The following FBXL8 variants were observed in gnomAD, a reference collection of about 807,000 sequenced individuals.
FBXL8 encodes the protein F-box and leucine rich repeat protein 8.
FBXL8 carries 13 observed loss-of-function variants against 8.2 expected under a neutral mutation model. That is an observed-to-expected ratio of 1.58 (90% CI 1.03 to 2.51). The LOEUF is 2.51. Among genes scored for constraint, FBXL8 ranks in the 30% most tolerant of loss-of-function variants. The pLI is 0.00. For synonymous variants in FBXL8, 271 were observed against 260.5 expected (o/e 1.04, Z -0.39); for missense variants, 565 against 540.4 (o/e 1.05, Z -0.45).
intron 1 of FBXL8, 167 bp from the exon 2 acceptor site, chr16:67,161,568 G>A: frequency 2.1e-6 from 1 of 478,112 alleles, no homozygotes; most frequent in Non-Finnish European, 3.6e-6. Flanking sequence ...GATTTAGTAG[G>A]TGAGGCGGTG....
rs2145913083 is a variant in FBXL8 at position 67,162,315 on chromosome 16, A to C, written c.152+378A>C. The C allele has an allele frequency of 1.3e-5, 6 of 454,036 alleles. No homozygotes were observed. In the Admixed American group the frequency reaches 1.4e-4, roughly 11 times the overall value. The allele number at this position is 454,036 out of a possible 1,614,324, so 28.1% of individuals were successfully genotyped here. On this transcript the variant is annotated intron_variant, in intron 2 of 2. Coordinates refer to ENST00000258200, the MANE Select transcript of FBXL8 (RefSeq NM_018378.3). ...CTGCACTCCAGCTTGGCGACAGAGT[A>C]ACAGTTTATCTCAAAATAATAATAA...
At position 67,161,843 on chromosome 16, in the gene FBXL8, C is replaced by G. The variant is rs150449492; in HGVS notation, c.58C>G (p.Leu20Val). ...EEVLALIFRH[L>V]SLRDRAAAAR... is the part of the protein sequence containing the mutation. Reference sequence around the variant, plus strand: ...GGTGCTGGCACTCATCTTCCGCCACCTGTCCCTGAGAGACCGTGCTGCCGC... The same window carrying G: ...GGTGCTGGCACTCATCTTCCGCCACGTGTCCCTGAGAGACCGTGCTGCCGC... The change falls in exon 2 of 3, where the codon CTG becomes GTG. Residue 20 changes from leucine (L) to valine (V), a missense_variant. Leu to Val is a conservative substitution (Grantham distance 32). Coordinates refer to ENST00000258200, the MANE Select transcript of FBXL8 (RefSeq NM_018378.3). 9.9e-6 allele frequency: 16 copies of G among 1,610,818 alleles called. No homozygotes were observed. Among genetic ancestry groups the G allele is most frequent in the Non-Finnish European group, 1.1e-5 (13 of 1,178,890 alleles).
Position 67,163,008 on chromosome 16 carries a change from G to A in FBXL8, c.313G>A (p.Gly105Ser), listed in dbSNP as rs753145061. The A allele has an allele frequency of 1.0e-4, 158 of 1,555,216 alleles. No individual in the cohort carries two copies. The highest frequency in any genetic ancestry group is 1.3e-4 in the Non-Finnish European group (149 of 1,149,582). Residue 105 changes from glycine (G) to serine (S), a missense_variant, in exon 3 of 3, where the codon GGC becomes AGC. Coordinates refer to ENST00000258200, the MANE Select transcript of FBXL8 (RefSeq NM_018378.3). ...GGCGGGCCGTGCCCCGGGGCTGCGAGGCCTGCGCCTGGAGTGCCGCGGAGA... is the reference window on the plus strand; with the variant it reads ...GGCGGGCCGTGCCCCGGGGCTGCGAAGCCTGCGCCTGGAGTGCCGCGGAGA... ...VLAGRAPGLR[G>S]LRLECRGEKP...
chr16:67,163,343 A>G lies in FBXL8; in HGVS notation c.648A>G (p.Arg216=), dbSNP rs1229520786. ...TCGAAGCACTGGCGGCGCCAGACCG[A>G]GCGCCTTTCGCGCTCTTGGCTCTGC... ...AILEALAAPD[R]APFALLALRC... Residue 216 remains arginine (R), a synonymous_variant, in exon 3 of 3, where the codon CGA becomes CGG. Transcript: ENST00000258200. The G allele has an allele frequency of 2.6e-6, 4 of 1,561,614 alleles. No homozygotes were observed. The Admixed American group carries it at 7.3e-5, about 28-fold the overall frequency.
chr16:67,162,424 GAA>G (rs2030945589), intron 2 of FBXL8: 1 of 600,758 alleles, frequency 1.7e-6, no homozygotes, highest in African/African-American at 1.9e-5. Flanking sequence ...TAATCCTTAT[GAA>G]AACCTTGTGT....
chr16:67,161,784 C>A lies in FBXL8; in HGVS notation c.-2C>A. 2 of 1,599,884 alleles carry A rather than the reference C, an allele frequency of 1.3e-6. No homozygotes were observed. Among genetic ancestry groups the A allele is most frequent in the Admixed American group, 1.7e-5 (1 of 58,958 alleles). On this transcript the variant is annotated 5_prime_UTR_variant, in exon 2 of 3. Coordinates refer to ENST00000258200, the MANE Select transcript of FBXL8 (RefSeq NM_018378.3). ...TCCTCCCACCCCAGCCGGATCTGGG[C>A]CATGGCCGAGCCTGGAGAGGGACTG...
chr16:67,163,907 T>C lies in FBXL8; in HGVS notation c.*87T>C. The C allele has an allele frequency of 6.6e-7, 1 of 1,517,438 alleles. No homozygotes were observed. The highest frequency in any genetic ancestry group is 2.3e-5 in the East Asian group (1 of 42,880). 94.0% of individuals were successfully genotyped at this position (1,517,438 alleles called of 1,614,324 possible). ...TGTCCAGGCGCGCCCCGAGTGCTAG[T>C]GCCTTCTTTTGGGATTGTTGCCCCC... On this transcript the variant is annotated 3_prime_UTR_variant, in exon 3 of 3. Coordinates refer to ENST00000258200, the MANE Select transcript of FBXL8 (RefSeq NM_018378.3).
At chr16:67,161,169 G>C (rs2030883601) in intron 1 of FBXL8, 1 of 174,918 alleles carries the variant, frequency 5.7e-6, no homozygotes, top group Admixed American at 6.2e-5. Flanking sequence ...GGCCGGGCGC[G>C]GTGGCTCATG....
chr16:67,163,334 G>C lies in FBXL8; in HGVS notation c.639G>C (p.Ala213=), dbSNP rs2030997769. 1 of 1,565,726 alleles carries C rather than the reference G, an allele frequency of 6.4e-7. No homozygotes were observed. Residue 213 remains alanine (A), a synonymous_variant, in exon 3 of 3, where the codon GCG becomes GCC. Coordinates refer to ENST00000258200, the MANE Select transcript of FBXL8 (RefSeq NM_018378.3). ...LSHAILEALA[A]PDRAPFALLA... Reference sequence around the variant, plus strand: ...ACGCCATCCTCGAAGCACTGGCGGCGCCAGACCGAGCGCCTTTCGCGCTCT... The same window carrying C: ...ACGCCATCCTCGAAGCACTGGCGGCCCCAGACCGAGCGCCTTTCGCGCTCT...
intron 1 of FBXL8, 95 bp from the exon 2 acceptor site, chr16:67,161,640 C>T: frequency 2.0e-6 from 2 of 980,618 alleles, no homozygotes; most frequent in Non-Finnish European, 2.8e-6. Context: ...GAGAGGCCCT[C>T]AGTTCCTCAG....
intron 1 of FBXL8, among the ~76,000 whole-genome samples, chr16:67,161,468 G>A (rs891292970): frequency 6.7e-6 from 1 of 149,504 alleles, no homozygotes; most frequent in African/African-American, 2.5e-5. Context: ...AAAAAAAAAA[G>A]TGGGAGGGGA....
At position 67,163,591 on chromosome 16, in the gene FBXL8, A is replaced by T; in HGVS notation, c.896A>T (p.Tyr299Phe). ...VGPVRFAAHH[Y>F]AATLCALEVR... Reference sequence around the variant, plus strand: ...CCAGTGCGCTTCGCAGCACACCACTACGCCGCAACCCTGTGCGCGCTCGAG... The same window carrying T: ...CCAGTGCGCTTCGCAGCACACCACTTCGCCGCAACCCTGTGCGCGCTCGAG... The change falls in exon 3 of 3, where the codon TAC becomes TTC. Residue 299 changes from tyrosine to phenylalanine, a missense_variant. Tyr to Phe is a conservative substitution (Grantham distance 22). Transcript: ENST00000258200. The T allele has an allele frequency of 1.3e-6, 2 of 1,578,632 alleles. No homozygotes were observed. The highest frequency in any genetic ancestry group is 2.3e-5 in the South Asian group (2 of 88,812).
intron 2 of FBXL8, 23 bp downstream of exon 2, chr16:67,161,960 C>T: frequency 6.3e-7 from 1 of 1,577,794 alleles, no homozygotes; most frequent in Non-Finnish European, 8.6e-7. Context: ...CTCCACACTC[C>T]TCTCCCCACC....
chr16:67,163,965 A>C lies in FBXL8; in HGVS notation c.*145A>C. ...TTACCGAGTTGGGAACTGTGATGGC[A>C]TCGGGACCAGTCCTGGGCGCCCTGA... is the stretch of plus-strand genomic sequence containing the variant. On this transcript the variant is annotated 3_prime_UTR_variant, in exon 3 of 3. Transcript: ENST00000258200. 7.8e-7 allele frequency: 1 copy of C among 1,276,416 alleles called. No homozygotes were observed. The highest frequency in any genetic ancestry group is 1.1e-6 in the Non-Finnish European group (1 of 914,072). 79.1% of individuals were successfully genotyped at this position (1,276,416 alleles called of 1,614,324 possible).
Position 67,164,101 on chromosome 16 carries a change from G to A in FBXL8, c.*281G>A, listed in dbSNP as rs762695164. On this transcript the variant is annotated 3_prime_UTR_variant, in exon 3 of 3. Coordinates refer to ENST00000258200, the MANE Select transcript of FBXL8 (RefSeq NM_018378.3). The stretch of plus-strand genomic sequence containing the variant: ...GCGGACTCTGCAGCTCCGCGGCCCC[G>A]GCGCAGGGAGAGGGAGGGCACGGGC... 1.6e-5 allele frequency: 11 copies of A among 681,464 alleles called. No individual in the cohort carries two copies. The highest frequency in any genetic ancestry group is 1.4e-4 in the South Asian group (9 of 66,322). 42.2% of individuals were successfully genotyped at this position (681,464 alleles called of 1,614,324 possible).
At position 67,163,142 on chromosome 16, in the gene FBXL8, G is replaced by A; in HGVS notation, c.447G>A (p.Leu149=). The part of the protein sequence containing the change: ...HLDLRRLSFT[L]DDALVLQAAR... ...ACCTGCGGCGCTTGTCCTTCACACT[G>A]GACGACGCGCTGGTGCTGCAGGCGG... The change falls in exon 3 of 3, where the codon CTG becomes CTA. Residue 149 remains leucine (L), a synonymous_variant. Transcript: ENST00000258200. 6.4e-7 allele frequency: 1 copy of A among 1,570,552 alleles called. No individual in the cohort carries two copies. The highest frequency in any genetic ancestry group is 8.6e-7 in the Non-Finnish European group (1 of 1,158,986).
At position 67,164,086 on chromosome 16, in the gene FBXL8, C is replaced by T. The variant is rs1384136467; in HGVS notation, c.*266C>T. 8.7e-6 allele frequency: 6 copies of T among 689,058 alleles called. No individual in the cohort carries two copies. The highest frequency in any genetic ancestry group is 2.0e-5 in the Admixed American group (1 of 48,872). 42.7% of individuals were successfully genotyped at this position (689,058 alleles called of 1,614,324 possible). A position where few individuals can be genotyped will look rare whatever the true frequency, so the allele number is the denominator to read the frequency against. On this transcript the variant is annotated 3_prime_UTR_variant, in exon 3 of 3. Transcript: ENST00000258200. ...TGCCTCCACCCCTCTGCGGACTCTG[C>T]AGCTCCGCGGCCCCGGCGCAGGGAG...
chr16:67,163,014 C>A lies in FBXL8; in HGVS notation c.319C>A (p.Arg107Ser), dbSNP rs1235934817. ...AGRAPGLRGLRLECRGEKPLF... is the reference protein window; with the variant it reads ...AGRAPGLRGLSLECRGEKPLF... ...CCGTGCCCCGGGGCTGCGAGGCCTG[C>A]GCCTGGAGTGCCGCGGAGAAAAACC... is the stretch of plus-strand genomic sequence containing the variant. Residue 107 changes from arginine (R) to serine (S), a missense_variant, in exon 3 of 3, where the codon CGC (arginine) becomes AGC (serine). Physicochemically the swap from Arg to Ser is moderately radical, Grantham distance 110. Coordinates refer to ENST00000258200, the MANE Select transcript of FBXL8 (RefSeq NM_018378.3). The A allele has an allele frequency of 1.9e-6, 3 of 1,555,164 alleles. No individual in the cohort carries two copies. The highest frequency in any genetic ancestry group is 1.9e-5 in the Admixed American group (1 of 51,870).
intron 1 of FBXL8, 40 bp from the exon 2 acceptor site, chr16:67,161,693 CTT>C: frequency 4.2e-6 from 6 of 1,426,606 alleles, no homozygotes; most frequent in East Asian, 2.6e-5. Flanking sequence ...TCCTGCAACA[CTT>C]TGCGCCTTCC....
Sources: allele counts gnomAD v4.1 joint callset (sites outside exome capture counted in the v4.1 genomes callset), GRCh38; gene constraint gnomAD v4.1.1; transcripts MANE v1.5; gene names NCBI Gene and HGNC (gene_info 2026-07-23, HGNC 2026-07-21).